Variants in MYO18A observed in about 807,000 individuals in gnomAD.
MYO18A encodes the protein unconventional myosin-XVIIIa.
Under a neutral mutation model 235.8 loss-of-function variants are expected in MYO18A, and 78 were observed. The observed-to-expected ratio is 0.33, with a 90% CI of 0.28 to 0.40. The LOEUF is 0.40. MYO18A is among the 10% of genes least tolerant of loss of function. The pLI is 1.00. For synonymous variants in MYO18A, 977 were observed against 1,077.8 expected (o/e 0.91, Z 1.83); for missense variants, 2,215 against 2,699.3 (o/e 0.82, Z 3.98).
intron 20 of MYO18A, among the ~76,000 whole-genome samples, chr17:29,104,649 G>A (rs1222761302): frequency 6.6e-6 from 1 of 152,124 alleles, no homozygotes; most frequent in African/African-American, 2.4e-5. Flanking sequence ...TTGAAGTGAT[G>A]AGTGTGAATG....
intron 1 of MYO18A, among the ~76,000 whole-genome samples, chr17:29,167,833 A>C (rs1170414309): frequency 6.6e-6 from 1 of 152,176 alleles, no homozygotes; most frequent in East Asian, 1.9e-4. Context: ...TGTTATCCCT[A>C]GAGTAGCACC....
intron 41 of MYO18A, chr17:29,075,788 C>T (rs2065959968): frequency 6.5e-6 from 1 of 152,872 alleles, no homozygotes; most frequent in Non-Finnish European, 1.5e-5. Flanking sequence ...CCACTGCCTC[C>T]GTCAGTTCAA....
intron 1 of MYO18A, among the ~76,000 whole-genome samples, chr17:29,167,638 CGAGG>C (rs1258460375): frequency 1.3e-5 from 2 of 150,970 alleles, no homozygotes; most frequent in Non-Finnish European, 2.9e-5. Context: ...CCCAGGAGGT[CGAGG>C]TTGCAGTGAA....
At chr17:29,159,293 G>A (rs1172540240) in intron 2 of MYO18A, among the ~76,000 whole-genome samples, 2 of 151,874 alleles carry the variant, frequency 1.3e-5, no homozygotes, top group Admixed American at 1.3e-4. Flanking sequence ...CACCCACCAC[G>A]TCCCATGCCC....
intron 2 of MYO18A, among the ~76,000 whole-genome samples, chr17:29,148,515 C>T (rs542828106): frequency 1.5e-4 from 23 of 152,226 alleles, no homozygotes; most frequent in Middle Eastern, 6.8e-3. Context: ...GAGTCTACAC[C>T]TGTCTCAAAG....
chr17:29,119,544 A>T, intron 7 of MYO18A, 109 bp from the exon 8 acceptor site: 1 of 669,368 alleles, frequency 1.5e-6, no homozygotes, highest in Non-Finnish European at 2.4e-6. Flanking sequence ...CTGGGGAACA[A>T]GCAGCTGCAT....
rs1008479241 is a variant in MYO18A, at chr17:29,106,630, C to T, written c.3441+450G>A. On this transcript the variant is annotated intron_variant, in intron 20 of 41. Coordinates refer to ENST00000527372, the MANE Select transcript of MYO18A (RefSeq NM_078471.4). The surrounding 1 kb of genome is among the most constrained non-coding windows in gnomAD (Gnocchi z 4.6). ...CAGCCACAAGTTCACCAACCAGGGC[C>T]GGCAAATGGCCCGGCAGCCTATGTT... 1.8e-4 allele frequency among the ~76,000 whole-genome samples: 27 copies of T among 152,188 alleles called. No homozygotes were observed. Among genetic ancestry groups the T allele is most frequent in the Admixed American group, 5.2e-4 (8 of 15,280 alleles).
chr17:29,114,172 G>A lies in MYO18A; in HGVS notation c.2512-75C>T, dbSNP rs2067001770. The A allele has an allele frequency of 3.4e-6, 4 of 1,177,510 alleles. No homozygotes were observed. The South Asian group carries it at 4.0e-5, about 12-fold the overall frequency. The allele number at this position is 1,177,510 out of a possible 1,614,324, so 72.9% of individuals were successfully genotyped here. A position where few individuals can be genotyped will look rare whatever the true frequency, so the allele number is the denominator to read the frequency against. ...AACAGCCTTGTGAGTAGGCTGGGAA[G>A]GGGCTCTGAGATCAGCAAGGCCAAC... is the stretch of plus-strand genomic sequence containing the variant. On this transcript the variant is annotated intron_variant, in intron 14 of 41. Coordinates refer to ENST00000527372, the MANE Select transcript of MYO18A (RefSeq NM_078471.4).
rs1598337846 is a variant in MYO18A at position 29,120,525 on chromosome 17, G to A, written c.1728+91C>T. 2.0e-6 allele frequency: 3 copies of A among 1,480,034 alleles called. No individual in the cohort carries two copies. The East Asian group carries it at 7.1e-5, about 35-fold the overall frequency. The allele number at this position is 1,480,034 out of a possible 1,614,324, so 91.7% of individuals were successfully genotyped here. A position where few individuals can be genotyped will look rare whatever the true frequency, so the allele number is the denominator to read the frequency against. On this transcript the variant is annotated intron_variant, in intron 7 of 41. Coordinates refer to ENST00000527372, the MANE Select transcript of MYO18A (RefSeq NM_078471.4). The surrounding 1 kb of genome is among the most constrained non-coding windows in gnomAD (Gnocchi z 4.2). ...CAATTTTGTTAGGGTAGAATCCCAG[G>A]AAAATGAGGCATGGGAGAGAGCCTG...
At position 29,072,119 on chromosome 17, in the gene MYO18A, CTAG is replaced by C. The variant is rs2065890334; in HGVS notation, c.*2648_*2650del. On this transcript the variant is annotated 3_prime_UTR_variant, in exon 42 of 42. Transcript: ENST00000527372. Reference sequence around the variant, plus strand: ...GGCAGGGAGTTTGTCACACTAGTCCCTAGTAGAAACAGAAAATGTACCACGCTA... The same window carrying C: ...GGCAGGGAGTTTGTCACACTAGTCCCTAGAAACAGAAAATGTACCACGCTA... 6.6e-6 allele frequency: 1 copy of C among 151,378 alleles called. No homozygotes were observed. 9.4% of individuals were successfully genotyped at this position (151,378 alleles called of 1,614,324 possible). A position where few individuals can be genotyped will look rare whatever the true frequency, so the allele number is the denominator to read the frequency against.
chr17:29,093,163 G>A (rs895649143), intron 32 of MYO18A, among the ~76,000 whole-genome samples, 160 bp downstream of exon 32: 39 of 152,168 alleles, frequency 2.6e-4, no homozygotes, highest in Admixed American at 2.3e-3. Flanking sequence ...GTGTGCCAAT[G>A]TATGGTGATG....
chr17:29,134,621 C>T (rs2067552665), intron 2 of MYO18A, among the ~76,000 whole-genome samples: 1 of 152,164 alleles, frequency 6.6e-6, no homozygotes, highest in Admixed American at 6.5e-5. Context: ...CTCCCGGACT[C>T]AAGCGATTCT....
At chr17:29,133,743 G>T (rs1163841753) in intron 2 of MYO18A, 2 of 1,241,968 alleles carry the variant, frequency 1.6e-6, no homozygotes, top group South Asian at 2.5e-5. Flanking sequence ...CCTGCCTGCA[G>T]ATACAACATG....
At chr17:29,151,695 G>A (rs2067967054) in intron 2 of MYO18A, among the ~76,000 whole-genome samples, 1 of 152,188 alleles carries the variant, frequency 6.6e-6, no homozygotes, top group African/African-American at 2.4e-5. Flanking sequence ...CATTCTCTGG[G>A]CCAAGCACGA....
At chr17:29,136,766 G>A (rs1183105427) in intron 2 of MYO18A, among the ~76,000 whole-genome samples, 1 of 152,212 alleles carries the variant, frequency 6.6e-6, no homozygotes, top group Non-Finnish European at 1.5e-5. Context: ...GGTATGTTAG[G>A]CAGGCATCAG....
In MYO18A at chr17:29,166,762, A is replaced by C; in HGVS notation, c.179T>G (p.Leu60Arg). ...GATGGGGATGGGGTTGGAGATTTCC[A>C]GGCGCGTCTTGGATTCACGCTTGGA... ...RSSKRESKTR[L>R]EISNPIPIKV... is the part of the protein sequence containing the mutation. The change falls in exon 2 of 42, where the codon CTG (leucine) becomes CGG (arginine). Residue 60 changes from leucine (L) to arginine (R), a missense_variant. Leu to Arg is a moderately radical substitution (Grantham distance 102). Transcript: ENST00000527372. 1.2e-6 allele frequency: 2 copies of C among 1,613,714 alleles called. No homozygotes were observed. Among genetic ancestry groups the C allele is most frequent in the Non-Finnish European group, 1.7e-6 (2 of 1,179,826 alleles).
intron 2 of MYO18A, chr17:29,128,998 C>T (rs1346418063): frequency 4.5e-5 from 56 of 1,244,346 alleles, no homozygotes; most frequent in Non-Finnish European, 5.5e-5. Flanking sequence ...GTCAAACAGC[C>T]GAGTCCCACC....
At position 29,167,000 on chromosome 17, in the gene MYO18A, G is replaced by A. The variant is rs1377028082; in HGVS notation, c.-60C>T. The A allele has an allele frequency of 5.1e-5, 74 of 1,457,170 alleles. No homozygotes were observed. The East Asian group carries it at 8.7e-4, about 17-fold the overall frequency. 90.3% of individuals were successfully genotyped at this position (1,457,170 alleles called of 1,614,324 possible). Reference sequence around the variant, plus strand: ...GAGGATTATGAGTGCTTAGCACAGGGCCTTGGTGCCCCACTTTGCTGCTGC... The same window carrying A: ...GAGGATTATGAGTGCTTAGCACAGGACCTTGGTGCCCCACTTTGCTGCTGC... On this transcript the variant is annotated 5_prime_UTR_variant, in exon 2 of 42. Coordinates refer to ENST00000527372, the MANE Select transcript of MYO18A (RefSeq NM_078471.4).
At chr17:29,144,777 A>G (rs1452940542) in intron 2 of MYO18A, among the ~76,000 whole-genome samples, 2 of 152,202 alleles carry the variant, frequency 1.3e-5, no homozygotes, top group Non-Finnish European at 1.5e-5. Flanking sequence ...GGTTATACTC[A>G]ATATGGTGCT....
Sources: allele counts gnomAD v4.1 joint callset (sites outside exome capture counted in the v4.1 genomes callset), GRCh38; gene constraint gnomAD v4.1.1; non-coding constraint Gnocchi (gnomAD v3.1); transcripts MANE v1.5; gene names NCBI Gene and HGNC (gene_info 2026-07-23, HGNC 2026-07-21).